Variants in ARID5B observed in about 807,000 individuals in gnomAD.
The protein encoded by ARID5B is AT-rich interaction domain 5B.
A neutral mutation model predicts 97.2 loss-of-function variants in ARID5B; 13 were observed. That is an observed-to-expected ratio of 0.13 (90% CI 0.09 to 0.21). ARID5B has a LOEUF of 0.21. ARID5B is among the 10% of genes least tolerant of loss of function. The pLI is 1.00. For missense variants in ARID5B, 1,210 were observed against 1,465.3 expected (o/e 0.83, Z 2.84); for synonymous variants, 556 against 570.3 (o/e 0.97, Z 0.36).
intron 3 of ARID5B, among the ~76,000 whole-genome samples, chr10:61,971,700 G>T (rs994526303): frequency 2.6e-5 from 4 of 152,136 alleles, no homozygotes; most frequent in East Asian, 1.9e-4. Flanking sequence ...TTTAACAAAG[G>T]TACCACACTA....
intron 4 of ARID5B, among the ~76,000 whole-genome samples, chr10:62,004,682 G>T (rs1425994173): frequency 6.6e-6 from 1 of 152,112 alleles, no homozygotes; most frequent in Non-Finnish European, 1.5e-5. Context: ...CTATGCAATA[G>T]AAAAAACAAA....
Position 61,902,432 on chromosome 10 carries a change from C to T in ARID5B, c.276+19C>T, listed in dbSNP as rs1429656736. 1.1e-5 allele frequency: 18 copies of T among 1,609,100 alleles called. No individual in the cohort carries two copies. Among genetic ancestry groups the T allele is most frequent in the Middle Eastern group, 1.7e-4 (1 of 6,022 alleles). ...TGGCGAGGTGGTAAACCTGTCTGTC[C>T]CCCTCTTCTTTCTTTATTATTTTTC... On this transcript the variant is annotated intron_variant, in intron 2 of 9. Transcript: ENST00000279873.
intron 4 of ARID5B, among the ~76,000 whole-genome samples, chr10:62,014,078 T>C (rs1291690810): frequency 1.3e-5 from 2 of 152,150 alleles, no homozygotes; most frequent in Non-Finnish European, 2.9e-5. Flanking sequence ...AGTGCAGATA[T>C]CTCTTCGACA....
At chr10:62,063,090 C>A (rs560464536) in intron 7 of ARID5B, among the ~76,000 whole-genome samples, 24 of 152,268 alleles carry the variant, frequency 1.6e-4, no homozygotes, top group African/African-American at 5.8e-4. Flanking sequence ...TTTGTAGCAT[C>A]TTTTAGTCTG....
intron 3 of ARID5B, among the ~76,000 whole-genome samples, chr10:61,991,972 C>T (rs748669071): frequency 1.1e-4 from 16 of 151,628 alleles, no homozygotes; most frequent in Non-Finnish European, 1.9e-4. Flanking sequence ...GTGGAGGTTG[C>T]GGTGAGCTGA....
chr10:61,944,447 T>G (rs376503730), intron 3 of ARID5B, among the ~76,000 whole-genome samples: 5 of 152,328 alleles, frequency 3.3e-5, no homozygotes, highest in African/African-American at 7.2e-5. Context: ...TTTTAGTAAG[T>G]AAGGAATATA....
At chr10:61,906,504 C>T (rs551013866) in intron 2 of ARID5B, among the ~76,000 whole-genome samples, 1 of 152,324 alleles carries the variant, frequency 6.6e-6, no homozygotes, top group African/African-American at 2.4e-5. Flanking sequence ...GATATGCAAG[C>T]TTGGATTTCA....
intron 4 of ARID5B, among the ~76,000 whole-genome samples, chr10:62,009,977 T>C (rs1396468288): frequency 6.6e-6 from 1 of 152,222 alleles, no homozygotes; most frequent in Non-Finnish European, 1.5e-5. Flanking sequence ...CATTTTTAGC[T>C]TTCTGCACAG....
chr10:62,010,131 A>G (rs1839197448), intron 4 of ARID5B, among the ~76,000 whole-genome samples: 1 of 152,328 alleles, frequency 6.6e-6, no homozygotes, highest in East Asian at 1.9e-4. Context: ...AAGAAAAATC[A>G]ACTTGTTTCT....
At position 62,092,322 on chromosome 10, in the gene ARID5B, A is replaced by C; in HGVS notation, c.2859A>C (p.Lys953Asn). The C allele has an allele frequency of 6.2e-7, 1 of 1,612,736 alleles. No individual in the cohort carries two copies. The highest frequency in any genetic ancestry group is 8.5e-7 in the Non-Finnish European group (1 of 1,179,412). The change falls in exon 10 of 10, where the codon AAA (lysine) becomes AAC (asparagine). Residue 953 changes from lysine (K) to asparagine (N), a missense_variant. This residue lies in a region of ARID5B where 800 missense variants were observed against 839.1 expected (regional missense o/e 0.95). Coordinates refer to ENST00000279873, the MANE Select transcript of ARID5B (RefSeq NM_032199.3). ...GCCAGAGTCGAGACTGTCACCCCAAAGCCTGTCGGGTATCACCCATGACCA... is the reference window on the plus strand; with the variant it reads ...GCCAGAGTCGAGACTGTCACCCCAACGCCTGTCGGGTATCACCCATGACCA... Reference protein sequence around the residue: ...LGSQSRDCHPKACRVSPMTMS... With the variant: ...LGSQSRDCHPNACRVSPMTMS...
chr10:62,084,401 A>T (rs1309116705), intron 8 of ARID5B, among the ~76,000 whole-genome samples: 1 of 152,262 alleles, frequency 6.6e-6, no homozygotes, highest in Non-Finnish European at 1.5e-5. Flanking sequence ...GCAAACCAAT[A>T]TCCAGACCAA....
chr10:62,078,970 TGTAAGAGTAGTTGCCCA>T lies in ARID5B; in HGVS notation c.1200-6729_1200-6713del, dbSNP rs71883722. ...CTATGGCATGGTTATTGTAGCATATTGTAAGAGTAGTTGCCCAGTGCCCAAGCCATAGGGCTTCTTCT... is the reference window on the plus strand; with the variant it reads ...CTATGGCATGGTTATTGTAGCATATTGTGCCCAAGCCATAGGGCTTCTTCT... On this transcript the variant is annotated intron_variant, in intron 8 of 9. Coordinates refer to ENST00000279873, the MANE Select transcript of ARID5B (RefSeq NM_032199.3). Among the ~76,000 whole-genome samples, 926 of 152,356 alleles carry T rather than the reference TGTAAGAGTAGTTGCCCA, an allele frequency of 6.1e-3. 5 individuals are homozygous for T. Among genetic ancestry groups the T allele is most frequent in the Non-Finnish European group, 1.0e-2 (678 of 68,034 alleles).
intron 3 of ARID5B, among the ~76,000 whole-genome samples, chr10:61,947,347 T>TAC (rs1453613646): frequency 1.3e-5 from 2 of 149,488 alleles, no homozygotes; most frequent in Admixed American, 6.7e-5. Flanking sequence ...TGGCTCACTG[T>TAC]AACGTCTGCT....
At chr10:61,949,559 C>T (rs1364070515) in intron 3 of ARID5B, among the ~76,000 whole-genome samples, 1 of 152,122 alleles carries the variant, frequency 6.6e-6, no homozygotes, top group Admixed American at 6.5e-5. Flanking sequence ...ATCACTTGAA[C>T]CCGGGAGGCG....
chr10:62,081,524 G>A (rs937526333), intron 8 of ARID5B, among the ~76,000 whole-genome samples: 1 of 152,224 alleles, frequency 6.6e-6, no homozygotes, highest in Non-Finnish European at 1.5e-5. Context: ...GGAGGGGAAT[G>A]TTGTGTAATA....
At chr10:62,075,055 G>C (rs979536497) in intron 8 of ARID5B, among the ~76,000 whole-genome samples, 1 of 152,140 alleles carries the variant, frequency 6.6e-6, no homozygotes, top group African/African-American at 2.4e-5. Context: ...TTTCACCCAG[G>C]TCAGTGGAGA....
intron 2 of ARID5B, among the ~76,000 whole-genome samples, chr10:61,903,838 G>A (rs1056074381): frequency 2.6e-5 from 4 of 151,740 alleles, no homozygotes; most frequent in Non-Finnish European, 4.4e-5. Flanking sequence ...CGAAACGTTC[G>A]CCCTCGAATC....
In ARID5B at chr10:62,094,579, C is replaced by T. The variant is rs1173149374; in HGVS notation, c.*1549C>T. 4.3e-6 allele frequency: 1 copy of T among 231,502 alleles called. No individual in the cohort carries two copies. The highest frequency in any genetic ancestry group is 8.5e-6 in the Non-Finnish European group (1 of 116,982). The allele number at this position is 231,502 out of a possible 1,614,324, so 14.3% of individuals were successfully genotyped here. ...GTGGGAAGTAAATGGTCAAGCTGCT[C>T]AGGCAGTGAAAAGATGTGGAGAATG... is the stretch of plus-strand genomic sequence containing the variant. On this transcript the variant is annotated 3_prime_UTR_variant, in exon 10 of 10. Coordinates refer to ENST00000279873, the MANE Select transcript of ARID5B (RefSeq NM_032199.3).
At chr10:62,069,645 G>T in intron 7 of ARID5B, 55 bp from the exon 8 acceptor site, 1 of 1,485,132 alleles carries the variant, frequency 6.7e-7, no homozygotes, top group South Asian at 1.1e-5. Flanking sequence ...ATTGAAGCCT[G>T]GCACTATGAA....
Sources: allele counts gnomAD v4.1 joint callset (sites outside exome capture counted in the v4.1 genomes callset), GRCh38; gene constraint gnomAD v4.1.1; regional missense constraint gnomAD v4.1.1; transcripts MANE v1.5; gene names NCBI Gene and HGNC (gene_info 2026-07-23, HGNC 2026-07-21).